The following SCUBE3 variants were observed in gnomAD, a reference collection of about 807,000 sequenced individuals.
The protein encoded by SCUBE3 is signal peptide, CUB and EGF-like domain-containing protein 3.
A neutral mutation model predicts 116.8 loss-of-function variants in SCUBE3; 33 were observed. The ratio of observed to expected loss-of-function variants is 0.28; its 90% CI spans 0.21 to 0.38. The LOEUF (loss-of-function observed/expected upper bound fraction) is 0.38, where lower values mean the gene tolerates loss of function less well. SCUBE3 is among the 10% of genes least tolerant of loss of function. The probability of loss-of-function intolerance (pLI) is 1.00; values close to 1 mark genes in which losing one functional copy is unlikely to be tolerated. For missense variants in SCUBE3, 1,007 were observed against 1,324.8 expected, an observed-to-expected ratio of 0.76 and a Z score of 3.72; for synonymous variants, 418 against 496.9, an observed-to-expected ratio of 0.84 and a Z score of 2.11.
At chr6:35,237,275 T>G (rs137972316) in intron 6 of SCUBE3, among the ~76,000 whole-genome samples, 1 of 152,278 alleles carries the variant, frequency 6.6e-6, no homozygotes, top group Non-Finnish European at 1.5e-5. Context: ...TGGGAGGAGT[T>G]GAAGGTAGAT....
Position 35,231,968 on chromosome 6 carries a change from T to C in SCUBE3, c.469+109T>C, listed in dbSNP as rs996675326. The C allele has an allele frequency of 1.1e-6, 1 of 936,534 alleles. No homozygotes were observed. Among genetic ancestry groups the C allele is most frequent in the Non-Finnish European group, 1.6e-6 (1 of 629,236 alleles). 58.0% of individuals were successfully genotyped at this position (936,534 alleles called of 1,614,324 possible). On this transcript the variant is annotated intron_variant, in intron 4 of 21. Transcript: ENST00000274938. The surrounding 1 kb of genome is among the most constrained non-coding windows in gnomAD (Gnocchi z 4.2). ...ACCCTCCATTCTCAACTCAGCTAGC[T>C]CCTTCTTCTCTTGTCCTTCAACTCA... is the stretch of plus-strand genomic sequence containing the variant.
intron 7 of SCUBE3, among the ~76,000 whole-genome samples, chr6:35,238,445 C>T (rs1326968505): frequency 2.0e-5 from 3 of 152,134 alleles, no homozygotes; most frequent in Non-Finnish European, 4.4e-5. Flanking sequence ...GTCTACCCCT[C>T]GAAAGGCTGT....
In SCUBE3 at chr6:35,228,821, G is replaced by A; in HGVS notation, c.334+82G>A. The A allele has an allele frequency of 4.2e-6, 6 of 1,418,898 alleles. No homozygotes were observed. Among genetic ancestry groups the A allele is most frequent in the Non-Finnish European group, 6.0e-6 (6 of 1,007,926 alleles). The allele number at this position is 1,418,898 out of a possible 1,614,324, so 87.9% of individuals were successfully genotyped here. On this transcript the variant is annotated intron_variant, in intron 3 of 21. Transcript: ENST00000274938. This position sits in a 1 kb window ranked among gnomAD's most constrained non-coding sequence, Gnocchi z 4.9. ...TCAGCATTTCCTATTTCCCAGGGAA[G>A]GAGGAGAGAGTGATCAAGAAGAGCT...
At chr6:35,237,608 C>T (rs911421751) in intron 6 of SCUBE3, among the ~76,000 whole-genome samples, 1 of 152,072 alleles carries the variant, frequency 6.6e-6, no homozygotes, top group Non-Finnish European at 1.5e-5. Context: ...TCCACCCCCT[C>T]GGCACATTCC....
rs1229283694 is a variant in SCUBE3, at chr6:35,219,794, T to C, written c.85+5291T>C. 6.6e-6 allele frequency among the ~76,000 whole-genome samples: 1 copy of C among 152,176 alleles called. No individual in the cohort carries two copies. The highest frequency in any genetic ancestry group is 2.4e-5 in the African/African-American group (1 of 41,420). On this transcript the variant is annotated intron_variant, in intron 1 of 21. Coordinates refer to ENST00000274938, the MANE Select transcript of SCUBE3 (RefSeq NM_152753.4). This position sits in a 1 kb window ranked among gnomAD's most constrained non-coding sequence, Gnocchi z 4.7. The stretch of plus-strand genomic sequence containing the variant: ...TTTACAAGTTTCTAATTATATTTAT[T>C]TGGAGTTTTCCTCTGGCGGTTTGAA...
Position 35,232,869 on chromosome 6 carries a change from C to A in SCUBE3, c.489C>A (p.Asn163Lys). ...TTTTAGAAGGAATGAATTGCATGAA[C>A]AAGAACCACGGCTGTGCCCACATTT... ...QRPEEGMNCM[N>K]KNHGCAHICR... Residue 163 changes from asparagine to lysine, a missense_variant, in exon 5 of 22, where the codon AAC becomes AAA. This residue lies in a region of SCUBE3 where 214 missense variants were observed against 316.7 expected (regional missense o/e 0.68). Coordinates refer to ENST00000274938, the MANE Select transcript of SCUBE3 (RefSeq NM_152753.4). The surrounding 1 kb of genome is among the most constrained non-coding windows in gnomAD (Gnocchi z 4.2). 6.2e-7 allele frequency: 1 copy of A among 1,614,110 alleles called. No homozygotes were observed. Among genetic ancestry groups the A allele is most frequent in the Non-Finnish European group, 8.5e-7 (1 of 1,179,962 alleles).
At chr6:35,237,841 G>A in intron 6 of SCUBE3, 61 bp from the exon 7 acceptor site, 1 of 1,034,232 alleles carries the variant, frequency 9.7e-7, no homozygotes, top group Non-Finnish European at 1.5e-6. Context: ...ACTACCCTCA[G>A]AGTTTGGGAC....
chr6:35,234,984 C>G (rs748183248), intron 6 of SCUBE3, among the ~76,000 whole-genome samples: 8 of 152,204 alleles, frequency 5.3e-5, no homozygotes, highest in African/African-American at 1.7e-4. Flanking sequence ...ACTTATTTTA[C>G]CTTGCCATAT....
Position 35,246,181 on chromosome 6 carries a change from C to A in SCUBE3, c.2753-25C>A, listed in dbSNP as rs187327277. ...AGCAGGAAGAGCTCCCGCCCCTGAG[C>A]CCCTCACCTTGGTTGACTTTGCAGA... On this transcript the variant is annotated intron_variant, in intron 20 of 21. Transcript: ENST00000274938. 261 of 1,612,312 alleles carry A rather than the reference C, an allele frequency of 1.6e-4. 2 individuals are homozygous for A. The East Asian group carries it at 4.5e-3, about 28-fold the overall frequency.
At position 35,228,812 on chromosome 6, in the gene SCUBE3, C is replaced by A; in HGVS notation, c.334+73C>A. ...GAGATCTTTTCAGCATTTCCTATTTCCCAGGGAAGGAGGAGAGAGTGATCA... is the reference window on the plus strand; with the variant it reads ...GAGATCTTTTCAGCATTTCCTATTTACCAGGGAAGGAGGAGAGAGTGATCA... On this transcript the variant is annotated intron_variant, in intron 3 of 21. Coordinates refer to ENST00000274938, the MANE Select transcript of SCUBE3 (RefSeq NM_152753.4). This position sits in a 1 kb window ranked among gnomAD's most constrained non-coding sequence, Gnocchi z 4.9. The A allele has an allele frequency of 1.3e-6, 2 of 1,498,680 alleles. No homozygotes were observed. Among genetic ancestry groups the A allele is most frequent in the Non-Finnish European group, 1.9e-6 (2 of 1,078,864 alleles). 92.8% of individuals were successfully genotyped at this position (1,498,680 alleles called of 1,614,324 possible).
chr6:35,225,015 G>C (rs959438198), intron 1 of SCUBE3, among the ~76,000 whole-genome samples: 1 of 152,204 alleles, frequency 6.6e-6, no homozygotes, highest in African/African-American at 2.4e-5. Flanking sequence ...CATTTGGCCT[G>C]TGGCTAGTGC....
rs1270784767 is a variant in SCUBE3, at chr6:35,237,892, T to G, written c.713-10T>G. 6.3e-7 allele frequency: 1 copy of G among 1,576,044 alleles called. No homozygotes were observed. On this transcript the variant is annotated splice_polypyrimidine_tract_variant and intron_variant, in intron 6 of 21. Coordinates refer to ENST00000274938, the MANE Select transcript of SCUBE3 (RefSeq NM_152753.4). ...ACCTCATTACCATCCCCCACTTCCC[T>G]CCTAAACAGAGACCTGTGCTGTCAA...
chr6:35,232,919 T>C lies in SCUBE3; in HGVS notation c.539T>C (p.Ile180Thr), dbSNP rs147288110. ...TGCCGGGAGACACCCAAGGGGGGTA[T>C]TGCCTGTGAATGCCGTCCTGGCTTT... ...HICRETPKGG[I>T]ACECRPGFEL... The change falls in exon 5 of 22, where the codon ATT becomes ACT. Residue 180 changes from isoleucine to threonine, a missense_variant. Ile to Thr is a moderately conservative substitution (Grantham distance 89, BLOSUM62 -1). Around this residue, in one of 5 missense-constraint regions of SCUBE3, gnomAD observed 214 missense variants for 316.7 expected, o/e 0.68. Transcript: ENST00000274938. The surrounding 1 kb of genome is among the most constrained non-coding windows in gnomAD (Gnocchi z 4.2). The C allele has an allele frequency of 8.1e-6, 13 of 1,614,038 alleles. No individual in the cohort carries two copies. The highest frequency in any genetic ancestry group is 5.3e-5 in the African/African-American group (4 of 74,918).
chr6:35,227,691 A>G lies in SCUBE3; in HGVS notation c.197A>G (p.Lys66Arg). The stretch of plus-strand genomic sequence containing the variant: ...AAGTCTGGCTACACAGGGGACGGCA[A>G]ACACTGCAAAGGTGAGGCTGGAAGG... ...ICKSGYTGDG[K>R]HCKDVDECER... The change falls in exon 2 of 22, where the codon AAA becomes AGA. Residue 66 changes from lysine (K) to arginine (R), a missense_variant. Lys to Arg is a conservative substitution (Grantham distance 26). Coordinates refer to ENST00000274938, the MANE Select transcript of SCUBE3 (RefSeq NM_152753.4). 1 of 1,614,142 alleles carries G rather than the reference A, an allele frequency of 6.2e-7. No homozygotes were observed. Among genetic ancestry groups the G allele is most frequent in the African/African-American group, 1.3e-5 (1 of 75,038 alleles).
intron 6 of SCUBE3, among the ~76,000 whole-genome samples, chr6:35,236,292 C>T (rs1464453165): frequency 3.9e-5 from 6 of 152,180 alleles, no homozygotes; most frequent in Non-Finnish European, 4.4e-5. Flanking sequence ...CACAGGTGGG[C>T]GGCTATGCCC....
rs1027457745 is a variant in SCUBE3, at chr6:35,253,073, C to T, written c.*4368C>T. 9 of 152,060 alleles carry T rather than the reference C, an allele frequency of 5.9e-5. No individual in the cohort carries two copies. Among genetic ancestry groups the T allele is most frequent in the African/African-American group, 2.2e-4 (9 of 41,412 alleles). 9.4% of individuals were successfully genotyped at this position (152,060 alleles called of 1,614,324 possible). A position where few individuals can be genotyped will look rare whatever the true frequency, so the allele number is the denominator to read the frequency against. On this transcript the variant is annotated 3_prime_UTR_variant, in exon 22 of 22. Transcript: ENST00000274938. ...ATTATTATTAAAATACTAAATGAAACTCCTCAGCCCGGCATCTTTTCCTCT... is the reference window on the plus strand; with the variant it reads ...ATTATTATTAAAATACTAAATGAAATTCCTCAGCCCGGCATCTTTTCCTCT...
Position 35,228,850 on chromosome 6 carries a change from T to TAAGG in SCUBE3, c.334+111_334+112insAAGG. ...GAGAGAGTGATCAAGAAGAGCTACA[T>TAAGG]TCACAAGAGAATAAGGTCAGCCTCC... On this transcript the variant is annotated intron_variant, in intron 3 of 21. Coordinates refer to ENST00000274938, the MANE Select transcript of SCUBE3 (RefSeq NM_152753.4). The surrounding 1 kb of genome is among the most constrained non-coding windows in gnomAD (Gnocchi z 4.9). 4 of 1,150,106 alleles carry TAAGG rather than the reference T, an allele frequency of 3.5e-6. No homozygotes were observed. The South Asian group carries it at 4.1e-5, about 12-fold the overall frequency. The allele number at this position is 1,150,106 out of a possible 1,614,324, so 71.2% of individuals were successfully genotyped here.
chr6:35,220,949 A>G (rs1783098130), intron 1 of SCUBE3: 2 of 152,228 alleles, frequency 1.3e-5, no homozygotes, highest in Admixed American at 1.3e-4. Flanking sequence ...AACTGGGAAG[A>G]CAGCCTGGTA....
chr6:35,246,596 C>A (rs1784348888), intron 21 of SCUBE3, among the ~76,000 whole-genome samples: 1 of 152,198 alleles, frequency 6.6e-6, no homozygotes, highest in African/African-American at 2.4e-5. Context: ...CTACCTCTTC[C>A]AAGAGACATA....
Sources: allele counts gnomAD v4.1 joint callset (sites outside exome capture counted in the v4.1 genomes callset), GRCh38; gene constraint gnomAD v4.1.1; regional missense constraint gnomAD v4.1.1; non-coding constraint Gnocchi (gnomAD v3.1); transcripts MANE v1.5; gene names NCBI Gene and HGNC (gene_info 2026-07-23, HGNC 2026-07-21).